Variants in VPS13B observed in about 807,000 individuals in gnomAD.
VPS13B encodes vacuolar protein sorting 13 homolog B.
A neutral mutation model predicts 426.4 loss-of-function variants in VPS13B; 285 were observed. That is an observed-to-expected ratio of 0.67 (90% CI 0.61 to 0.74). The LOEUF (loss-of-function observed/expected upper bound fraction) is 0.74, where lower values mean the gene tolerates loss of function less well. Ranked by LOEUF, VPS13B falls within the 30% of genes least tolerant of loss-of-function variation. The pLI is 0.00. For missense variants in VPS13B, 4,537 were observed against 4,782.6 expected, an observed-to-expected ratio of 0.95 and a Z score of 1.51; for synonymous variants, 1,676 against 1,676.4, an observed-to-expected ratio of 1.00 and a Z score of 0.01.
At chr8:99,696,967 T>C (rs943512622) in intron 35 of VPS13B, 2 of 645,746 alleles carry the variant, frequency 3.1e-6, no homozygotes, top group Non-Finnish European at 5.8e-6. Flanking sequence ...AACCTGAACG[T>C]CAAGGGGCTG....
chr8:99,494,394 G>GT (rs1820782537), intron 25 of VPS13B, among the ~76,000 whole-genome samples: 1 of 151,724 alleles, frequency 6.6e-6, no homozygotes, highest in African/African-American at 2.4e-5. Flanking sequence ...ATATTTCATA[G>GT]TTTTCATTAT....
At chr8:99,729,002 T>C (rs1833478732) in intron 39 of VPS13B, among the ~76,000 whole-genome samples, 1 of 152,126 alleles carries the variant, frequency 6.6e-6, no homozygotes, top group African/African-American at 2.4e-5. Flanking sequence ...GGCCACCCAG[T>C]ACTTTCCCCA....
chr8:99,561,975 T>A (rs573977602), intron 31 of VPS13B, among the ~76,000 whole-genome samples: 1 of 152,204 alleles, frequency 6.6e-6, no homozygotes, highest in Non-Finnish European at 1.5e-5. Flanking sequence ...TTCAGCTTTT[T>A]GAGAAACTGC....
intron 30 of VPS13B, among the ~76,000 whole-genome samples, chr8:99,528,875 C>T (rs1052073550): frequency 1.3e-5 from 2 of 151,780 alleles, no homozygotes; most frequent in Non-Finnish European, 2.9e-5. Context: ...AAATACATTA[C>T]CTTTTCAGTA....
In VPS13B at chr8:99,415,597, G is replaced by C. The variant is rs114322177; in HGVS notation, c.3083-15940G>C. On this transcript the variant is annotated intron_variant, in intron 21 of 61. Transcript: ENST00000357162. ...TTGGTGACCTTTAGATGGGGTTTCTGTGTCAATGTCCTTTTTGTTGATGTT... is the reference window on the plus strand; with the variant it reads ...TTGGTGACCTTTAGATGGGGTTTCTCTGTCAATGTCCTTTTTGTTGATGTT... Among the ~76,000 whole-genome samples, 255 of 152,226 alleles carry C rather than the reference G, an allele frequency of 1.7e-3. 1 individual carries two copies. The highest frequency in any genetic ancestry group is 6.0e-3 in the African/African-American group (250 of 41,558).
intron 15 of VPS13B, among the ~76,000 whole-genome samples, chr8:99,169,795 A>T (rs889804784): frequency 6.6e-6 from 1 of 152,062 alleles, no homozygotes; most frequent in African/African-American, 2.4e-5. Context: ...AACTTAAAAA[A>T]ATTTGTCAAA....
intron 19 of VPS13B, among the ~76,000 whole-genome samples, chr8:99,364,616 A>G (rs957758339): frequency 2.0e-5 from 3 of 152,052 alleles, no homozygotes; most frequent in African/African-American, 7.2e-5. Context: ...TATTTTTAGT[A>G]GAGACAGGGT....
chr8:99,628,563 T>G (rs1490895900), intron 33 of VPS13B, among the ~76,000 whole-genome samples: 1 of 152,180 alleles, frequency 6.6e-6, no homozygotes. Context: ...TGGACAAGAC[T>G]AATTAGTCCC....
At chr8:99,701,500 T>TA (rs992478243) in intron 36 of VPS13B, among the ~76,000 whole-genome samples, 1 of 152,184 alleles carries the variant, frequency 6.6e-6, no homozygotes, top group Non-Finnish European at 1.5e-5. Context: ...TCTAAAATAT[T>TA]AAAAATCCTT....
intron 39 of VPS13B, among the ~76,000 whole-genome samples, chr8:99,746,938 A>T (rs1810119554): frequency 1.3e-5 from 2 of 152,092 alleles, no homozygotes; most frequent in South Asian, 2.1e-4. Context: ...AAAATGTAAG[A>T]TGTATGTATT....
At chr8:99,093,880 C>G (rs1431869318) in intron 3 of VPS13B, 1 of 152,158 alleles carries the variant, frequency 6.6e-6, no homozygotes, top group Non-Finnish European at 1.5e-5. Flanking sequence ...GACACTCTCC[C>G]AAGACTAAAC....
intron 22 of VPS13B, among the ~76,000 whole-genome samples, chr8:99,440,487 A>T (rs1004582744): frequency 3.9e-5 from 6 of 152,164 alleles, no homozygotes; most frequent in African/African-American, 1.4e-4. Context: ...TTTAACAGTT[A>T]TTTTAAAAGT....
intron 3 of VPS13B, among the ~76,000 whole-genome samples, chr8:99,051,521 T>G (rs1843552837): frequency 6.6e-6 from 1 of 152,146 alleles, no homozygotes; most frequent in Non-Finnish European, 1.5e-5. Flanking sequence ...AGGCTCTTTT[T>G]TGGTTCCATA....
intron 7 of VPS13B, among the ~76,000 whole-genome samples, chr8:99,117,285 T>A (rs1278801584): frequency 6.6e-6 from 1 of 151,926 alleles, no homozygotes. Flanking sequence ...TAAAAAAAAA[T>A]ACAAAATAAC....
chr8:99,856,881 TAAAA>T (rs10604997), intron 56 of VPS13B, among the ~76,000 whole-genome samples: 1 of 151,702 alleles, frequency 6.6e-6, no homozygotes, highest in African/African-American at 2.4e-5. Flanking sequence ...CAACTAAAAA[TAAAA>T]AAGTATGGGT....
At chr8:99,711,629 T>C (rs185099834) in intron 36 of VPS13B, among the ~76,000 whole-genome samples, 6 of 151,870 alleles carry the variant, frequency 4.0e-5, no homozygotes, top group Admixed American at 1.3e-4. Flanking sequence ...AAGCAAAAAA[T>C]ATTAGGGTTT....
intron 16 of VPS13B, among the ~76,000 whole-genome samples, chr8:99,178,860 G>A (rs1812783826): frequency 6.6e-6 from 1 of 152,030 alleles, no homozygotes; most frequent in Admixed American, 6.6e-5. Flanking sequence ...GACCTCAAGT[G>A]AGCCACCCGC....
intron 31 of VPS13B, among the ~76,000 whole-genome samples, chr8:99,566,442 CTTCT>C (rs1035177141): frequency 7.2e-5 from 10 of 139,078 alleles, no homozygotes; most frequent in East Asian, 2.3e-4. Flanking sequence ...GTGTTTTCTT[CTTCT>C]TTTTTTTTTT....
chr8:99,727,806 A>C (rs965477066), intron 39 of VPS13B, among the ~76,000 whole-genome samples: 6 of 152,208 alleles, frequency 3.9e-5, no homozygotes, highest in African/African-American at 1.2e-4. Flanking sequence ...ATGACTAGTC[A>C]GCTCTGGAGC....
Sources: allele counts gnomAD v4.1 joint callset (sites outside exome capture counted in the v4.1 genomes callset), GRCh38; gene constraint gnomAD v4.1.1; transcripts MANE v1.5; gene names NCBI Gene and HGNC (gene_info 2026-07-23, HGNC 2026-07-21).